The following FYB1 variants were observed in gnomAD, a reference collection of about 807,000 sequenced individuals.
FYB1 encodes the protein FYN-binding protein 1.
A neutral mutation model predicts 94.1 loss-of-function variants in FYB1; 41 were observed. That is an observed-to-expected ratio of 0.44 (90% CI 0.34 to 0.57). The LOEUF is 0.57. FYB1 is among the 20% of genes least tolerant of loss of function. The pLI, the probability that FYB1 is intolerant of heterozygous loss-of-function variation, is 0.02. For synonymous variants in FYB1, 367 were observed against 353.2 expected (o/e 1.04, Z -0.44); for missense variants, 1,050 against 976.8 (o/e 1.07, Z -1.00).
At chr5:39,258,437 T>C (rs1002814990) in intron 1 of FYB1, among the ~76,000 whole-genome samples, 5 of 151,970 alleles carry the variant, frequency 3.3e-5, no homozygotes, top group Non-Finnish European at 7.4e-5. Flanking sequence ...CCATCTCTAA[T>C]AAAAATACAA....
At chr5:39,246,146 T>A (rs547200311) in intron 1 of FYB1, among the ~76,000 whole-genome samples, 1 of 152,188 alleles carries the variant, frequency 6.6e-6, no homozygotes, top group South Asian at 2.1e-4. Context: ...GGTGGACCAG[T>A]GGCATGAGGA....
At chr5:39,179,310 C>G (rs1746007560) in intron 2 of FYB1, among the ~76,000 whole-genome samples, 3 of 152,076 alleles carry the variant, frequency 2.0e-5, no homozygotes, top group Admixed American at 2.0e-4. Context: ...GTGCACTCCT[C>G]CAGACATGGC....
chr5:39,224,147 G>T (rs1039737356), upstream of FYB1, among the ~76,000 whole-genome samples: 2 of 152,156 alleles, frequency 1.3e-5, no homozygotes, highest in African/African-American at 2.4e-5. Context: ...ACACGAAACC[G>T]ATGGCCATTC....
chr5:39,156,770 A>G (rs1252571849), intron 2 of FYB1, among the ~76,000 whole-genome samples: 1 of 152,186 alleles, frequency 6.6e-6, no homozygotes, highest in Non-Finnish European at 1.5e-5. Context: ...AACGATTGAC[A>G]TTAGAGTCTA....
chr5:39,116,365 A>G (rs1028475884), intron 16 of FYB1, among the ~76,000 whole-genome samples: 6 of 152,180 alleles, frequency 3.9e-5, no homozygotes, highest in African/African-American at 1.4e-4. Context: ...TTAACGATGA[A>G]CTTGGAAACT....
At chr5:39,186,357 G>A (rs1363353750) in intron 2 of FYB1, among the ~76,000 whole-genome samples, 1 of 152,162 alleles carries the variant, frequency 6.6e-6, no homozygotes, top group East Asian at 1.9e-4. Flanking sequence ...CTGGGAAGCA[G>A]AGGTTGCAGT....
chr5:39,241,182 G>A (rs541688174), intron 1 of FYB1, among the ~76,000 whole-genome samples: 1 of 152,298 alleles, frequency 6.6e-6, no homozygotes, highest in South Asian at 2.1e-4. Context: ...TTAGAGGATA[G>A]AGAGGATCAA....
At chr5:39,194,785 G>A (rs1747681186) in intron 2 of FYB1, among the ~76,000 whole-genome samples, 1 of 152,184 alleles carries the variant, frequency 6.6e-6, no homozygotes, top group South Asian at 2.1e-4. Context: ...CGATTATGGG[G>A]TTAAACCCAG....
chr5:39,227,841 T>C (rs998064807), intron 1 of FYB1, among the ~76,000 whole-genome samples: 2 of 152,178 alleles, frequency 1.3e-5, no homozygotes, highest in African/African-American at 4.8e-5. Context: ...CATTGAGTCA[T>C]GAGCTTTTGA....
At chr5:39,181,263 T>C (rs1219085001) in intron 2 of FYB1, among the ~76,000 whole-genome samples, 1 of 152,222 alleles carries the variant, frequency 6.6e-6, no homozygotes, top group Admixed American at 6.5e-5. Flanking sequence ...ATGAAAATGT[T>C]CAAATGTTTG....
upstream of FYB1, among the ~76,000 whole-genome samples, chr5:39,223,655 A>G (rs1561288360): frequency 6.6e-6 from 1 of 152,190 alleles, no homozygotes; most frequent in Non-Finnish European, 1.5e-5. Context: ...ATTCTAAGCA[A>G]ATGATGAATG....
intron 3 of FYB1, among the ~76,000 whole-genome samples, chr5:39,142,946 AC>A (rs1181548481): frequency 1.3e-5 from 2 of 152,262 alleles, no homozygotes; most frequent in African/African-American, 4.8e-5. Flanking sequence ...CTCTCTGGCT[AC>A]TACCTCACAA....
In FYB1 at chr5:39,217,671, C is replaced by T. The variant is rs117878368; in HGVS notation, c.-28+1772G>A. 4.8e-3 allele frequency among the ~76,000 whole-genome samples: 730 copies of T among 152,272 alleles called. 15 individuals are homozygous for T. Among genetic ancestry groups the T allele is most frequent in the East Asian group, 0.034 (177 of 5,176 alleles). ...ACAGCTGGTGCGTGGCAGAGACCACCTTCAAGCTCAGGATCTTGATTCTGG... is the reference window on the plus strand; with the variant it reads ...ACAGCTGGTGCGTGGCAGAGACCACTTTCAAGCTCAGGATCTTGATTCTGG... On this transcript the variant is annotated intron_variant, in intron 1 of 18. Coordinates refer to ENST00000512982, the MANE Select transcript of FYB1 (RefSeq NM_001465.6).
chr5:39,273,029 C>T (rs1185835355), intron 1 of FYB1, among the ~76,000 whole-genome samples: 3 of 152,194 alleles, frequency 2.0e-5, no homozygotes, highest in African/African-American at 2.4e-5. Context: ...AGGTGGGGGG[C>T]GCCTCCGCCC....
At chr5:39,134,705 A>G (rs1741505677) in intron 8 of FYB1, 150 bp downstream of exon 8, 7 of 744,656 alleles carry the variant, frequency 9.4e-6, no homozygotes, top group Non-Finnish European at 1.5e-5. Context: ...TGAAGACGGA[A>G]CTATACCTGC....
chr5:39,120,482 G>A (rs1325073060), intron 14 of FYB1, among the ~76,000 whole-genome samples: 1 of 152,112 alleles, frequency 6.6e-6, no homozygotes, highest in Non-Finnish European at 1.5e-5. Context: ...AGCTTTTAAA[G>A]CATACTACTG....
At chr5:39,170,095 A>G in intron 2 of FYB1, 2 of 849,654 alleles carry the variant, frequency 2.4e-6, no homozygotes, top group South Asian at 1.3e-5. Context: ...GCCAGCTAAG[A>G]TGGTGGCTTT....
intron 6 of FYB1, 70 bp downstream of exon 6, chr5:39,138,559 GCTTCCCTCCTAGTGTTGTTATATACCCA>G: frequency 1.6e-6 from 1 of 632,546 alleles, no homozygotes; most frequent in Non-Finnish European, 2.7e-6. Context: ...AACAAATCAA[GCTTCCCTCCTAGTGTTGTTATATACCCA>G]CTCTCCCTCA....
chr5:39,256,981 C>T (rs1334412091), intron 1 of FYB1, among the ~76,000 whole-genome samples: 1 of 152,214 alleles, frequency 6.6e-6, no homozygotes, highest in Non-Finnish European at 1.5e-5. Context: ...GCCTCCCAAA[C>T]ATCTGTGAAA....
Sources: allele counts gnomAD v4.1 joint callset (sites outside exome capture counted in the v4.1 genomes callset), GRCh38; gene constraint gnomAD v4.1.1; transcripts MANE v1.5; gene names NCBI Gene and HGNC (gene_info 2026-07-23, HGNC 2026-07-21).